The following TMEM117 variants were observed in gnomAD, a reference collection of about 807,000 sequenced individuals.
TMEM117 encodes the protein transmembrane protein 117.
A neutral mutation model predicts 52.4 loss-of-function variants in TMEM117; 27 were observed. The ratio of observed to expected loss-of-function variants is 0.51; its 90% CI spans 0.38 to 0.71. The LOEUF (loss-of-function observed/expected upper bound fraction) is 0.71. Ranked by LOEUF, TMEM117 falls within the 30% of genes least tolerant of loss-of-function variation. The probability of loss-of-function intolerance (pLI) is 0.00; values close to 1 mark genes in which losing one functional copy is unlikely to be tolerated. For missense variants in TMEM117, 556 were observed against 630.5 expected (o/e 0.88, Z 1.26); for synonymous variants, 215 against 206.3 (o/e 1.04, Z -0.36).
intron 2 of TMEM117, among the ~76,000 whole-genome samples, chr12:43,894,567 A>G (rs1048326135): frequency 6.6e-6 from 1 of 151,850 alleles, no homozygotes; most frequent in Non-Finnish European, 1.5e-5. Flanking sequence ...CCACCCTCCA[A>G]TAGGCCCCAG....
At chr12:44,345,057 G>T (rs2138762107) in intron 6 of TMEM117, among the ~76,000 whole-genome samples, 1 of 152,112 alleles carries the variant, frequency 6.6e-6, no homozygotes, top group South Asian at 2.1e-4. Flanking sequence ...CTGGGAAGAA[G>T]AATGAGATTT....
At chr12:44,304,787 G>A (rs1950884216) in intron 6 of TMEM117, among the ~76,000 whole-genome samples, 1 of 152,182 alleles carries the variant, frequency 6.6e-6, no homozygotes, top group Non-Finnish European at 1.5e-5. Context: ...AAGGGCCCTT[G>A]GGCCTTAAAT....
At position 44,336,936 on chromosome 12, in the gene TMEM117, C is replaced by T. The variant is rs190891582; in HGVS notation, c.768+37197C>T. Among the ~76,000 whole-genome samples the T allele has an allele frequency of 3.4e-4, 52 of 152,012 alleles. 1 individual carries two copies. The highest frequency in any genetic ancestry group is 2.9e-3 in the East Asian group (15 of 5,166). On this transcript the variant is annotated intron_variant, in intron 6 of 7. Coordinates refer to ENST00000266534, the MANE Select transcript of TMEM117 (RefSeq NM_032256.3). ...TAATAATAATAATTGATGCTGCTGACGGGAGCAGTATTATGAAGTTAAACG... is the reference window on the plus strand; with the variant it reads ...TAATAATAATAATTGATGCTGCTGATGGGAGCAGTATTATGAAGTTAAACG...
intron 3 of TMEM117, among the ~76,000 whole-genome samples, chr12:43,996,241 T>C (rs938292716): frequency 2.0e-5 from 3 of 152,248 alleles, no homozygotes; most frequent in Admixed American, 6.5e-5. Context: ...GATTTTGGTA[T>C]ATATTATGCT....
rs570405798 is a variant in TMEM117 at position 44,326,921 on chromosome 12, C to T, written c.768+27182C>T. On this transcript the variant is annotated intron_variant, in intron 6 of 7. Transcript: ENST00000266534. ...AAGCCTCCTTCTTTCTAGCCTGAGCCGTATGTTAAGCTCTAGTCAAGGCGG... is the reference window on the plus strand; with the variant it reads ...AAGCCTCCTTCTTTCTAGCCTGAGCTGTATGTTAAGCTCTAGTCAAGGCGG... Among the ~76,000 whole-genome samples the T allele has an allele frequency of 5.9e-5, 9 of 152,276 alleles. No individual in the cohort carries two copies. In the South Asian group the frequency reaches 1.4e-3, roughly 25 times the overall value.
intron 2 of TMEM117, among the ~76,000 whole-genome samples, chr12:43,915,400 G>T (rs1944584129): frequency 6.6e-6 from 1 of 152,146 alleles, no homozygotes; most frequent in African/African-American, 2.4e-5. Context: ...AGTTCTTCTT[G>T]CCTCAAGGTT....
At chr12:44,135,629 C>T (rs192246793) in intron 3 of TMEM117, among the ~76,000 whole-genome samples, 16 of 149,638 alleles carry the variant, frequency 1.1e-4, no homozygotes, top group Admixed American at 2.0e-4. Flanking sequence ...GGAAGATGGA[C>T]GAAAAGAAGA....
At chr12:44,304,081 T>C (rs1463384484) in intron 6 of TMEM117, among the ~76,000 whole-genome samples, 1 of 152,122 alleles carries the variant, frequency 6.6e-6, no homozygotes, top group Non-Finnish European at 1.5e-5. Flanking sequence ...AACATTATAT[T>C]AGGAAAGAGG....
chr12:44,126,529 T>C (rs1206690641), intron 3 of TMEM117, among the ~76,000 whole-genome samples: 1 of 152,230 alleles, frequency 6.6e-6, no homozygotes, highest in African/African-American at 2.4e-5. Context: ...CTTGAAACTA[T>C]CAGGATTTCA....
rs1421991805 is a variant in TMEM117, at chr12:44,139,608, A to C, written c.411-3917A>C. Among the ~76,000 whole-genome samples the C allele has an allele frequency of 1.4e-4, 22 of 152,114 alleles. 1 individual carries two copies. On this transcript the variant is annotated intron_variant, in intron 3 of 7. Coordinates refer to ENST00000266534, the MANE Select transcript of TMEM117 (RefSeq NM_032256.3). ...AAGCCTATATCAATGATCAATAGTT[A>C]CTTAGAAGGCTGGTAGAACTGCAAG...
chr12:43,841,947 G>A (rs1193220352), intron 1 of TMEM117, among the ~76,000 whole-genome samples: 2 of 152,114 alleles, frequency 1.3e-5, no homozygotes, highest in Non-Finnish European at 2.9e-5. Context: ...TTCTTCACTG[G>A]CGAAAGAAGC....
intron 6 of TMEM117, among the ~76,000 whole-genome samples, chr12:44,307,391 TC>T (rs1256117209): frequency 6.6e-6 from 1 of 152,252 alleles, no homozygotes; most frequent in African/African-American, 2.4e-5. Flanking sequence ...TATAACTTCT[TC>T]AAACTATTTT....
intron 2 of TMEM117, among the ~76,000 whole-genome samples, chr12:43,921,399 G>A (rs1315264562): frequency 6.6e-6 from 1 of 152,118 alleles, no homozygotes; most frequent in Admixed American, 6.6e-5. Flanking sequence ...AATAAGATTT[G>A]GAGTCTGATA....
Position 44,074,138 on chromosome 12 carries a change from G to GA in TMEM117, c.411-69379dup, listed in dbSNP as rs200073124. Among the ~76,000 whole-genome samples the GA allele has an allele frequency of 5.6e-3, 845 of 151,552 alleles. 3 individuals are homozygous for GA. Among genetic ancestry groups the GA allele is most frequent in the Non-Finnish European group, 9.7e-3 (656 of 67,844 alleles). ...AAAGCCACAAATAAAAGTAACTTTT[G>GA]AAAAAAAACCAACTTACCTGGAATG... On this transcript the variant is annotated intron_variant, in intron 3 of 7. Coordinates refer to ENST00000266534, the MANE Select transcript of TMEM117 (RefSeq NM_032256.3).
chr12:44,157,436 T>C (rs1474702402), intron 4 of TMEM117, among the ~76,000 whole-genome samples: 1 of 152,134 alleles, frequency 6.6e-6, no homozygotes, highest in African/African-American at 2.4e-5. Context: ...AAAATATCGT[T>C]CTCAATTTGG....
chr12:44,097,773 T>G (rs1947794912), intron 3 of TMEM117, among the ~76,000 whole-genome samples: 1 of 146,244 alleles, frequency 6.8e-6, no homozygotes, highest in Non-Finnish European at 1.5e-5. Context: ...GACGAGTTAA[T>G]GGGTGCAATA....
chr12:44,270,918 T>A (rs1054629938), intron 5 of TMEM117, among the ~76,000 whole-genome samples: 10 of 152,300 alleles, frequency 6.6e-5, no homozygotes, highest in Admixed American at 1.3e-4. Context: ...TTTTTGTTTT[T>A]AATTCTGTTT....
At chr12:44,029,688 AG>A (rs1946602250) in intron 3 of TMEM117, among the ~76,000 whole-genome samples, 1 of 152,222 alleles carries the variant, frequency 6.6e-6, no homozygotes, top group Non-Finnish European at 1.5e-5. Context: ...AATGGGAAAA[AG>A]GATTTGTGAG....
At chr12:44,351,002 A>G (rs1473471942) in intron 6 of TMEM117, among the ~76,000 whole-genome samples, 2 of 151,992 alleles carry the variant, frequency 1.3e-5, no homozygotes, top group Non-Finnish European at 2.9e-5. Flanking sequence ...GGGTTCCCCT[A>G]GTCTCCACAT....
Sources: gnomAD v4.1 joint callset for allele counts (sites outside exome capture counted in the v4.1 genomes callset) on GRCh38, gnomAD v4.1.1 for gene constraint, MANE v1.5 for transcripts, NCBI Gene and HGNC (gene_info 2026-07-23, HGNC 2026-07-21) for gene names.